Variants in GRIK2 observed in about 807,000 individuals in gnomAD.
GRIK2 encodes glutamate receptor ionotropic, kainate 2.
Under a neutral mutation model 100.3 loss-of-function variants are expected in GRIK2, and 32 were observed. The observed-to-expected ratio is 0.32, with a 90% CI of 0.24 to 0.43. The LOEUF (loss-of-function observed/expected upper bound fraction) is 0.43, where lower values mean the gene tolerates loss of function less well. GRIK2 is among the 20% of genes least tolerant of loss of function. The pLI is 1.00. For missense variants in GRIK2, 843 were observed against 1,114.9 expected, an observed-to-expected ratio of 0.76 and a Z score of 3.47; for synonymous variants, 417 against 389.4, an observed-to-expected ratio of 1.07 and a Z score of -0.83.
At chr6:101,635,584 G>A (rs986967887) in intron 4 of GRIK2, among the ~76,000 whole-genome samples, 1 of 152,050 alleles carries the variant, frequency 6.6e-6, no homozygotes, top group African/African-American at 2.4e-5. Context: ...GAGAATGGGA[G>A]AAAATTTTTG....
At chr6:101,477,599 C>T (rs1352148961) in intron 2 of GRIK2, among the ~76,000 whole-genome samples, 5 of 152,104 alleles carry the variant, frequency 3.3e-5, no homozygotes, top group African/African-American at 9.7e-5. Flanking sequence ...AGGGTACTTA[C>T]GTTCATTCTA....
At chr6:101,887,466 T>A (rs1485199785) in intron 11 of GRIK2, among the ~76,000 whole-genome samples, 1 of 139,794 alleles carries the variant, frequency 7.2e-6, no homozygotes, top group Non-Finnish European at 1.5e-5. Flanking sequence ...TAGTCAACCC[T>A]CCAAACACAG....
intron 2 of GRIK2, among the ~76,000 whole-genome samples, chr6:101,606,084 T>A (rs1779424935): frequency 6.6e-6 from 1 of 151,852 alleles, no homozygotes; most frequent in African/African-American, 2.4e-5. Flanking sequence ...ACAGATGAGG[T>A]CTCCAACTTT....
chr6:101,399,911 T>G (rs1382025383), intron 2 of GRIK2, among the ~76,000 whole-genome samples: 1 of 152,226 alleles, frequency 6.6e-6, no homozygotes, highest in African/African-American at 2.4e-5. Context: ...AGAGAGCCTT[T>G]TCGATTGTTT....
intron 7 of GRIK2, among the ~76,000 whole-genome samples, chr6:101,689,208 T>C (rs1771919941): frequency 6.6e-6 from 1 of 152,058 alleles, no homozygotes; most frequent in Non-Finnish European, 1.5e-5. Flanking sequence ...CATTGTGGCA[T>C]TGGCAACATT....
intron 2 of GRIK2, among the ~76,000 whole-genome samples, chr6:101,533,858 A>G (rs546262313): frequency 9.9e-5 from 15 of 152,108 alleles, no homozygotes; most frequent in Non-Finnish European, 1.8e-4. Context: ...CTATCCAGGT[A>G]TGCTGTTACT....
At chr6:101,761,642 A>T (rs949549374) in intron 7 of GRIK2, among the ~76,000 whole-genome samples, 2 of 152,152 alleles carry the variant, frequency 1.3e-5, no homozygotes, top group African/African-American at 4.8e-5. Context: ...TAGGACCTTA[A>T]GGTATTTTGC....
At chr6:101,998,621 T>C (rs1794767409) in intron 14 of GRIK2, among the ~76,000 whole-genome samples, 1 of 152,040 alleles carries the variant, frequency 6.6e-6, no homozygotes, top group South Asian at 2.1e-4. Flanking sequence ...AAAATGGTTC[T>C]AAGATTCATT....
intron 3 of GRIK2, among the ~76,000 whole-genome samples, chr6:101,624,983 A>T: frequency 6.6e-6 from 1 of 151,962 alleles, no homozygotes; most frequent in Non-Finnish European, 1.5e-5. Context: ...TTGCCCAGGC[A>T]GGTCTCGAAT....
At chr6:101,575,866 T>C (rs928205399) in intron 2 of GRIK2, among the ~76,000 whole-genome samples, 22 of 152,032 alleles carry the variant, frequency 1.4e-4, no homozygotes, top group African/African-American at 5.3e-4. Context: ...ACACCTGGCA[T>C]TTAAAGGTTC....
intron 12 of GRIK2, among the ~76,000 whole-genome samples, chr6:101,920,127 T>C (rs1371990765): frequency 6.6e-6 from 1 of 151,890 alleles, no homozygotes; most frequent in Admixed American, 6.6e-5. Flanking sequence ...AACCAGGCTG[T>C]GATAAGTATG....
At chr6:101,395,544 G>A (rs1289209242) in intron 1 of GRIK2, among the ~76,000 whole-genome samples, 1 of 152,134 alleles carries the variant, frequency 6.6e-6, no homozygotes, top group Non-Finnish European at 1.5e-5. Context: ...CCCAGCAGGT[G>A]GCAGCTAACT....
chr6:101,828,595 A>G (rs1018983568), intron 10 of GRIK2, among the ~76,000 whole-genome samples: 1 of 151,884 alleles, frequency 6.6e-6, no homozygotes. Flanking sequence ...GTGATATTAC[A>G]ACTGATTCCA....
chr6:101,958,018 G>GT (rs1185838013), intron 14 of GRIK2, among the ~76,000 whole-genome samples: 1 of 151,766 alleles, frequency 6.6e-6, no homozygotes, highest in Non-Finnish European at 1.5e-5. Context: ...CTATATTTTG[G>GT]TTTCATATTA....
chr6:101,519,910 G>C (rs1456271030), intron 2 of GRIK2, among the ~76,000 whole-genome samples: 1 of 152,022 alleles, frequency 6.6e-6, no homozygotes, highest in Non-Finnish European at 1.5e-5. Context: ...TTGCCTATTT[G>C]TTTTCTTTTA....
intron 16 of GRIK2, among the ~76,000 whole-genome samples, chr6:102,066,906 A>G (rs1772045468): frequency 6.6e-6 from 1 of 151,658 alleles, no homozygotes. Flanking sequence ...CATCAAAGGA[A>G]AATTAGGATA....
chr6:101,422,672 TA>T (rs748656629), intron 2 of GRIK2, among the ~76,000 whole-genome samples: 102 of 144,410 alleles, frequency 7.1e-4, no homozygotes, highest in Admixed American at 6.3e-4. Flanking sequence ...GTAAAAAGAT[TA>T]AAAAAAAAAA....
intron 2 of GRIK2, among the ~76,000 whole-genome samples, chr6:101,425,579 T>G (rs569554997): frequency 2.0e-5 from 3 of 152,160 alleles, no homozygotes; most frequent in Non-Finnish European, 4.4e-5. Context: ...TACAATGTTA[T>G]CCTACATTTT....
chr6:101,784,352 T>G (rs1378964887), intron 7 of GRIK2, among the ~76,000 whole-genome samples: 1 of 152,254 alleles, frequency 6.6e-6, no homozygotes, highest in African/African-American at 2.4e-5. Flanking sequence ...CCAATGCCTG[T>G]ACCTGCATTG....
Sources: gnomAD v4.1 joint callset for allele counts (sites outside exome capture counted in the v4.1 genomes callset) on GRCh38, gnomAD v4.1.1 for gene constraint, MANE v1.5 for transcripts, NCBI Gene and HGNC (gene_info 2026-07-23, HGNC 2026-07-21) for gene names.